Variants in KMT2C observed in about 807,000 individuals in gnomAD.
KMT2C encodes the protein lysine methyltransferase 2C, also known as histone-lysine N-methyltransferase 2C.
A neutral mutation model predicts 507.9 loss-of-function variants in KMT2C; 88 were observed. The ratio of observed to expected loss-of-function variants is 0.17; its 90% confidence interval spans 0.15 to 0.21. The LOEUF (loss-of-function observed/expected upper bound fraction) is 0.21, where lower values mean the gene tolerates loss of function less well. Among genes scored for constraint, KMT2C ranks in the 10% least tolerant of loss-of-function variants. The pLI is 1.00. For synonymous variants in KMT2C, 2,049 were observed against 2,080.8 expected (o/e 0.98, Z 0.42); for missense variants, 4,954 against 5,957.8 (o/e 0.83, Z 5.55).
chr7:152,194,710 A>T, intron 28 of KMT2C, 142 bp from the exon 29 acceptor site: 2 of 549,786 alleles, frequency 3.6e-6, no homozygotes, highest in South Asian at 3.4e-5. Context: ...CAGAATTCTC[A>T]TATCAATTTG....
intron 11 of KMT2C, 26 bp downstream of exon 11, chr7:152,251,913 T>TA (rs540938652): frequency 8.9e-4 from 1,371 of 1,539,102 alleles, no homozygotes; most frequent in Non-Finnish European, 1.1e-3. Flanking sequence ...ACAAAAAATT[T>TA]AAAAAAAAAT....
At chr7:152,413,531 C>G (rs1420675638) in intron 1 of KMT2C, among the ~76,000 whole-genome samples, 2 of 152,106 alleles carry the variant, frequency 1.3e-5, no homozygotes, top group East Asian at 3.8e-4. Context: ...CTGTAACTAA[C>G]TTCAACTATG....
intron 6 of KMT2C, among the ~76,000 whole-genome samples, chr7:152,290,270 ATATATATATATATATATATATATATTTT>A (rs1290642614): frequency 9.0e-5 from 2 of 22,164 alleles, no homozygotes; most frequent in East Asian, 2.0e-3. Context: ...ATATATATAT[ATATATATATATATATATATATATATTTT>A]TTTTTTTTTT....
intron 16 of KMT2C, among the ~76,000 whole-genome samples, chr7:152,233,104 G>A (rs2095172567): frequency 6.6e-6 from 1 of 151,992 alleles, no homozygotes; most frequent in South Asian, 2.1e-4. Flanking sequence ...GTGGGGGTGG[G>A]GAGTCATACT....
At chr7:152,338,588 C>CT (rs1057058261) in intron 2 of KMT2C, among the ~76,000 whole-genome samples, 2 of 152,040 alleles carry the variant, frequency 1.3e-5, no homozygotes, top group African/African-American at 4.8e-5. Flanking sequence ...CAAGTTTTCT[C>CT]TTTTAAAAAA....
In KMT2C at chr7:152,194,244, A is replaced by G; in HGVS notation, c.4525T>C (p.Leu1509=). Residue 1509 remains leucine, a synonymous_variant, in exon 30 of 59, where the codon TTA becomes CTA. Transcript: ENST00000262189. ...ACACATTTACCTGGAATTTTATATA[A>G]TTTTCCAAGAATTGCTCCTAGAATA... ...MVTDGAILGK[L]YKIPELGGKD... 6.6e-7 allele frequency: 1 copy of G among 1,525,082 alleles called. No homozygotes were observed. Among genetic ancestry groups the G allele is most frequent in the East Asian group, 2.3e-5 (1 of 44,184 alleles). The allele number at this position is 1,525,082 out of a possible 1,614,324, so 94.5% of individuals were successfully genotyped here.
At chr7:152,407,936 A>G in intron 1 of KMT2C, among the ~76,000 whole-genome samples, 1 of 152,304 alleles carries the variant, frequency 6.6e-6, no homozygotes, top group Non-Finnish European at 1.5e-5. Context: ...TTTCCAAATC[A>G]ACAGTCCTTA....
Position 152,148,478 on chromosome 7 carries a change from A to G in KMT2C, c.13449T>C (p.Tyr4483=), listed in dbSNP as rs2129095316. 1.2e-6 allele frequency: 2 copies of G among 1,614,256 alleles called. No homozygotes were observed. Among genetic ancestry groups the G allele is most frequent in the Non-Finnish European group, 8.5e-7 (1 of 1,180,054 alleles). Residue 4483 remains tyrosine (Y), a synonymous_variant, in exon 52 of 59, where the codon TAT becomes TAC. Transcript: ENST00000262189. The surrounding 1 kb of genome is among the most constrained non-coding windows in gnomAD (Gnocchi z 7.1). ...GTGCTTTAATGGCGCAAGTGAAGTG[A>G]TAAATGTTGGTGCATCGAAATCTGT... ...GCHRFRCTNI[Y]HFTCAIKAQC...
At chr7:152,303,761 G>T (rs1247028698) in intron 6 of KMT2C, among the ~76,000 whole-genome samples, 2 of 152,198 alleles carry the variant, frequency 1.3e-5, no homozygotes, top group Non-Finnish European at 2.9e-5. Context: ...GCCAAGGCAG[G>T]CGGATCACCT....
At chr7:152,370,229 G>A (rs891799001) in intron 1 of KMT2C, among the ~76,000 whole-genome samples, 2 of 151,794 alleles carry the variant, frequency 1.3e-5, no homozygotes, top group Non-Finnish European at 2.9e-5. Flanking sequence ...AGAGCAGTAT[G>A]AACAACTCCA....
At chr7:152,326,431 T>C (rs548111871) in intron 3 of KMT2C, among the ~76,000 whole-genome samples, 1 of 152,276 alleles carries the variant, frequency 6.6e-6, no homozygotes, top group Non-Finnish European at 1.5e-5. Context: ...TTTATATTAT[T>C]GGAAAATATT....
intron 3 of KMT2C, among the ~76,000 whole-genome samples, chr7:152,325,910 TC>T (rs1038601614): frequency 4.8e-5 from 7 of 145,386 alleles, no homozygotes; most frequent in Non-Finnish European, 8.9e-5. Context: ...ATTAGGTCTT[TC>T]TTTTTTTTTT....
intron 23 of KMT2C, among the ~76,000 whole-genome samples, chr7:152,211,526 T>C (rs112029285): frequency 6.6e-6 from 1 of 152,178 alleles, no homozygotes; most frequent in Non-Finnish European, 1.5e-5. Flanking sequence ...CTGGATCTAG[T>C]ACAAAGGCCA....
chr7:152,166,265 G>GT, intron 42 of KMT2C, among the ~76,000 whole-genome samples: 1 of 151,978 alleles, frequency 6.6e-6, no homozygotes, highest in Non-Finnish European at 1.5e-5. Context: ...GGGATTACAG[G>GT]CACACACCAC....
At chr7:152,297,091 G>GAGAGAGAGAA (rs1554623107) in intron 6 of KMT2C, among the ~76,000 whole-genome samples, 2 of 147,284 alleles carry the variant, frequency 1.4e-5, no homozygotes, top group Admixed American at 6.8e-5. Context: ...GAGAGAGAGA[G>GAGAGAGAGAA]AGAAAGAAAG....
At chr7:152,207,210 A>G in intron 24 of KMT2C, 90 bp downstream of exon 24, 2 of 1,162,882 alleles carry the variant, frequency 1.7e-6, no homozygotes, top group Non-Finnish European at 2.4e-6. Flanking sequence ...AAGCCTGAAT[A>G]TTTAATTTTA....
In KMT2C at chr7:152,187,633, A is replaced by G. The variant is rs563444614; in HGVS notation, c.4793+82T>C. 4.0e-6 allele frequency: 6 copies of G among 1,504,622 alleles called. No individual in the cohort carries two copies. In the African/African-American group the frequency reaches 7.1e-5, roughly 18 times the overall value. The allele number at this position is 1,504,622 out of a possible 1,614,324, so 93.2% of individuals were successfully genotyped here. ...CGCAACATACAATAATATCATACAC[A>G]ATCATTTAAGCAGACTAATTTATAT... On this transcript the variant is annotated intron_variant, in intron 32 of 58. Transcript: ENST00000262189.
chr7:152,349,832 G>A (rs1490225124), intron 2 of KMT2C, among the ~76,000 whole-genome samples: 3 of 152,080 alleles, frequency 2.0e-5, no homozygotes, highest in East Asian at 1.9e-4. Flanking sequence ...TGTGACAAAT[G>A]TACCACTCTA....
At chr7:152,233,666 A>G (rs1306689107) in intron 16 of KMT2C, among the ~76,000 whole-genome samples, 2 of 152,232 alleles carry the variant, frequency 1.3e-5, no homozygotes, top group Non-Finnish European at 2.9e-5. Context: ...ATCAAGAATG[A>G]GGAAGGTGAA....
Sources: gnomAD v4.1 joint callset for allele counts (sites outside exome capture counted in the v4.1 genomes callset) on GRCh38, gnomAD v4.1.1 for gene constraint, Gnocchi (gnomAD v3.1) non-coding constraint, MANE v1.5 for transcripts, NCBI Gene and HGNC (gene_info 2026-07-23, HGNC 2026-07-21) for gene names.